The following VOPP1 variants were observed in gnomAD, a reference collection of about 807,000 sequenced individuals.
VOPP1 encodes WW domain binding protein VOPP1.
In VOPP1, 8 loss-of-function variants were observed where a neutral mutation model predicts 23.5. The ratio of observed to expected loss-of-function variants is 0.34; its 90% CI spans 0.20 to 0.61. The LOEUF (loss-of-function observed/expected upper bound fraction) is 0.61, where lower values mean the gene tolerates loss of function less well. Among genes scored for constraint, VOPP1 ranks in the 20% least tolerant of loss-of-function variants. The pLI is 0.78. For synonymous variants in VOPP1, 83 were observed against 97.3 expected, an observed-to-expected ratio of 0.85 and a Z score of 0.86; for missense variants, 174 against 238.1, an observed-to-expected ratio of 0.73 and a Z score of 1.77.
At chr7:55,502,880 T>A (rs1191895719) in intron 2 of VOPP1, among the ~76,000 whole-genome samples, 1 of 152,208 alleles carries the variant, frequency 6.6e-6, no homozygotes, top group African/African-American at 2.4e-5. Flanking sequence ...TTCTTCTCTG[T>A]GTGCCAGATG....
At chr7:55,479,553 T>TTG (rs1792546220) in intron 4 of VOPP1, among the ~76,000 whole-genome samples, 1 of 152,184 alleles carries the variant, frequency 6.6e-6, no homozygotes, top group Non-Finnish European at 1.5e-5. Flanking sequence ...GATAAACTGT[T>TTG]TACAAACAGT....
rs546260422 is a variant in VOPP1 at position 55,478,451 on chromosome 7, A to G, written c.329-5406T>C. Among the ~76,000 whole-genome samples the G allele has an allele frequency of 2.6e-5, 4 of 152,358 alleles. No homozygotes were observed. The South Asian group carries it at 8.3e-4, about 32-fold the overall frequency. ...GCTTGAAGCAATGACTCTAGCCAAA[A>G]AAGGGGGCTTTGCATGTGCACAGAG... On this transcript the variant is annotated intron_variant, in intron 4 of 4. Transcript: ENST00000285279.
intron 4 of VOPP1, among the ~76,000 whole-genome samples, chr7:55,448,937 CACTGAGATGCGATGT>C (rs1403391159): frequency 1.3e-5 from 2 of 152,174 alleles, no homozygotes; most frequent in Non-Finnish European, 2.9e-5. Context: ...AGTTTAATCG[CACTGAGATGCGATGT>C]AATCCTTAGC....
chr7:55,466,164 T>C (rs960100200), downstream of VOPP1, among the ~76,000 whole-genome samples: 4 of 152,166 alleles, frequency 2.6e-5, no homozygotes, highest in Non-Finnish European at 5.9e-5. Flanking sequence ...TTCCTGACCT[T>C]AGACTTCCGA....
chr7:55,513,672 C>T (rs894093079), intron 2 of VOPP1, among the ~76,000 whole-genome samples: 2 of 152,134 alleles, frequency 1.3e-5, no homozygotes, highest in Non-Finnish European at 2.9e-5. Context: ...GTGTCAGCTG[C>T]CAAGTCAGTA....
At chr7:55,438,641 C>T (rs996052818) in intron 4 of VOPP1, among the ~76,000 whole-genome samples, 1 of 152,184 alleles carries the variant, frequency 6.6e-6, no homozygotes. Flanking sequence ...GCTGCAGAAT[C>T]GCAGGCCTTG....
At chr7:55,561,482 G>A (rs1313107334) in intron 1 of VOPP1, among the ~76,000 whole-genome samples, 3 of 151,880 alleles carry the variant, frequency 2.0e-5, no homozygotes, top group African/African-American at 4.8e-5. Flanking sequence ...AGGCCAAGGC[G>A]GGCAGATCAC....
Position 55,471,786 on chromosome 7 carries a change from T to A in VOPP1, c.*1069A>T, listed in dbSNP as rs979949881. On this transcript the variant is annotated 3_prime_UTR_variant, in exon 5 of 5. Coordinates refer to ENST00000285279, the MANE Select transcript of VOPP1 (RefSeq NM_030796.5). ...CTTCTCCTGTCTTTTCCCAGCAAGC[T>A]CCTCCTCCTTGGAGCCCAGCACACA... 1.3e-5 allele frequency: 2 copies of A among 151,604 alleles called. No individual in the cohort carries two copies. The highest frequency in any genetic ancestry group is 2.9e-5 in the Non-Finnish European group (2 of 67,942). 9.4% of individuals were successfully genotyped at this position (151,604 alleles called of 1,614,324 possible). A position where few individuals can be genotyped will look rare whatever the true frequency, so the allele number is the denominator to read the frequency against.
At chr7:55,529,854 G>A (rs537743304) in intron 1 of VOPP1, among the ~76,000 whole-genome samples, 7 of 152,182 alleles carry the variant, frequency 4.6e-5, no homozygotes, top group South Asian at 2.1e-4. Context: ...AGTCTCTTAC[G>A]TCTGGATTGT....
At chr7:55,465,952 T>C (rs1156459644), downstream of VOPP1, among the ~76,000 whole-genome samples, 1 of 152,176 alleles carries the variant, frequency 6.6e-6, no homozygotes, top group Non-Finnish European at 1.5e-5. Context: ...TGTCATATGT[T>C]GAAACTGAAT....
chr7:55,556,826 G>T (rs1316403439), intron 1 of VOPP1, among the ~76,000 whole-genome samples: 3 of 152,124 alleles, frequency 2.0e-5, no homozygotes, highest in African/African-American at 7.2e-5. Flanking sequence ...CCTTGTTGTA[G>T]ATTAACTCCC....
chr7:55,521,761 G>A (rs1047224145), intron 1 of VOPP1: 1 of 986,504 alleles, frequency 1.0e-6, no homozygotes. Context: ...GGGCAGGGTG[G>A]GTGAGTGCAC....
At chr7:55,441,776 C>T (rs1164374794) in intron 4 of VOPP1, among the ~76,000 whole-genome samples, 1 of 152,156 alleles carries the variant, frequency 6.6e-6, no homozygotes, top group Non-Finnish European at 1.5e-5. Flanking sequence ...CTTGGTTCTT[C>T]TGGGAATAGC....
intron 2 of VOPP1, among the ~76,000 whole-genome samples, chr7:55,515,136 T>C (rs554818771): frequency 1.3e-5 from 2 of 152,116 alleles, no homozygotes; most frequent in African/African-American, 2.4e-5. Flanking sequence ...CTCTCAGGGG[T>C]GGTGGCTGTA....
At chr7:55,454,784 T>C (rs909703618) in intron 4 of VOPP1, among the ~76,000 whole-genome samples, 9 of 152,298 alleles carry the variant, frequency 5.9e-5, no homozygotes, top group African/African-American at 1.4e-4. Flanking sequence ...AAACTAGGTA[T>C]TGATGGAACA....
chr7:55,446,717 T>C (rs1254045980), intron 4 of VOPP1, among the ~76,000 whole-genome samples: 1 of 152,202 alleles, frequency 6.6e-6, no homozygotes, highest in African/African-American at 2.4e-5. Context: ...CTGACATCAG[T>C]TGGTACTACT....
intron 1 of VOPP1, among the ~76,000 whole-genome samples, chr7:55,532,688 G>A (rs1440381083): frequency 2.0e-5 from 3 of 152,068 alleles, no homozygotes; most frequent in Non-Finnish European, 4.4e-5. Flanking sequence ...AGCAATCTGA[G>A]GGAGGCTCCT....
chr7:55,436,638 GT>G (rs1412316421), intron 4 of VOPP1, among the ~76,000 whole-genome samples: 414 of 139,744 alleles, frequency 3.0e-3, no homozygotes, highest in African/African-American at 0.01. Flanking sequence ...GTGCGTGTGT[GT>G]GCGTGCGTGG....
At chr7:55,541,508 C>T (rs1797131997) in intron 1 of VOPP1, among the ~76,000 whole-genome samples, 1 of 152,220 alleles carries the variant, frequency 6.6e-6, no homozygotes, top group East Asian at 1.9e-4. Context: ...TCATACATTG[C>T]TGTTGGGAAC....
Sources: allele counts gnomAD v4.1 joint callset (sites outside exome capture counted in the v4.1 genomes callset), GRCh38; gene constraint gnomAD v4.1.1; transcripts MANE v1.5; gene names NCBI Gene and HGNC (gene_info 2026-07-23, HGNC 2026-07-21).